The following WDR37 variants were observed in gnomAD, a reference collection of about 807,000 sequenced individuals.
WDR37 encodes the protein WD repeat domain 37.
A neutral mutation model predicts 62.9 loss-of-function variants in WDR37; 19 were observed. The ratio of observed to expected loss-of-function variants is 0.30; its 90% CI spans 0.21 to 0.44. WDR37 has a LOEUF of 0.44. Ranked by LOEUF, WDR37 falls within the 20% of genes least tolerant of loss-of-function variation. The pLI, the probability that WDR37 is intolerant of heterozygous loss-of-function variation, is 1.00. For missense variants in WDR37, 474 were observed against 657.6 expected (o/e 0.72, Z 3.05); for synonymous variants, 250 against 260.9 (o/e 0.96, Z 0.40).
intron 13 of WDR37, among the ~76,000 whole-genome samples, chr10:1,126,672 C>T (rs1241464195): frequency 3.9e-5 from 6 of 152,234 alleles, no homozygotes; most frequent in Non-Finnish European, 8.8e-5. Flanking sequence ...TGGGCCGCAG[C>T]TGCTCTGCAC....
intron 11 of WDR37, among the ~76,000 whole-genome samples, chr10:1,107,228 C>T (rs991691375): frequency 3.3e-5 from 5 of 152,234 alleles, no homozygotes; most frequent in Non-Finnish European, 7.3e-5. Context: ...TGCTCCCCGA[C>T]GTCCACCAGA....
chr10:1,104,826 T>A (rs904854263), intron 10 of WDR37, among the ~76,000 whole-genome samples: 1 of 152,208 alleles, frequency 6.6e-6, no homozygotes, highest in African/African-American at 2.4e-5. Context: ...AAGCAAAGAA[T>A]CAAGATTTAA....
At chr10:1,101,987 C>A (rs1414231299) in intron 9 of WDR37, among the ~76,000 whole-genome samples, 1 of 152,180 alleles carries the variant, frequency 6.6e-6, no homozygotes, top group East Asian at 1.9e-4. Flanking sequence ...TGTTCCCGTG[C>A]TGCCCTGGGT....
chr10:1,074,786 A>G lies in WDR37; in HGVS notation c.138+2493A>G, dbSNP rs529574203. 5.3e-5 allele frequency among the ~76,000 whole-genome samples: 8 copies of G among 152,310 alleles called. No homozygotes were observed. The South Asian group carries it at 1.2e-3, about 24-fold the overall frequency. Reference sequence around the variant, plus strand: ...GAGAGGGCAGATGAGTCTGAGGGAGACATCGTGTTAGGTTTAACTTTATAC... The same window carrying G: ...GAGAGGGCAGATGAGTCTGAGGGAGGCATCGTGTTAGGTTTAACTTTATAC... On this transcript the variant is annotated intron_variant, in intron 2 of 13. Transcript: ENST00000263150.
chr10:1,103,944 G>A lies in WDR37; in HGVS notation c.961+108G>A. On this transcript the variant is annotated intron_variant, in intron 10 of 13. Coordinates refer to ENST00000263150, the MANE Select transcript of WDR37 (RefSeq NM_014023.4). The surrounding 1 kb of genome is among the most constrained non-coding windows in gnomAD (Gnocchi z 6.3). Reference sequence around the variant, plus strand: ...CTTCTTGACCAGAATGAGTCTCTGTGTTCTTGGCTCTTCTGTGGTAATTTT... The same window carrying A: ...CTTCTTGACCAGAATGAGTCTCTGTATTCTTGGCTCTTCTGTGGTAATTTT... 9.2e-7 allele frequency: 1 copy of A among 1,092,458 alleles called. No homozygotes were observed. The highest frequency in any genetic ancestry group is 1.3e-6 in the Non-Finnish European group (1 of 763,430). The allele number at this position is 1,092,458 out of a possible 1,614,324, so 67.7% of individuals were successfully genotyped here. A position where few individuals can be genotyped will look rare whatever the true frequency, so the allele number is the denominator to read the frequency against.
intron 11 of WDR37, among the ~76,000 whole-genome samples, chr10:1,108,745 C>A (rs1012933202): frequency 5.0e-5 from 7 of 138,906 alleles, no homozygotes; most frequent in South Asian, 2.4e-4. Flanking sequence ...TGATGCCCCC[C>A]CCCCCCGTGG....
rs1460080041 is a variant in WDR37 at position 1,129,258 on chromosome 10, C to T, written c.1399C>T (p.Pro467Ser). The T allele has an allele frequency of 6.2e-7, 1 of 1,614,108 alleles. No individual in the cohort carries two copies. The highest frequency in any genetic ancestry group is 1.7e-5 in the Admixed American group (1 of 60,012). ...CTGCTCGGCATGGAGTGAAGACCAC[C>T]CCGTGTGCAATCTGTTCACCTGTGG... is the stretch of plus-strand genomic sequence containing the variant. ...VCCSAWSEDH[P>S]VCNLFTCGFD... The change falls in exon 14 of 14, where the codon CCC becomes TCC. Residue 467 changes from proline (P) to serine (S), a missense_variant. Transcript: ENST00000263150.
intron 13 of WDR37, among the ~76,000 whole-genome samples, chr10:1,126,271 T>G (rs1287960321): frequency 1.3e-5 from 2 of 151,768 alleles, no homozygotes; most frequent in South Asian, 2.1e-4. Context: ...CCAGGCGTGG[T>G]GGCGGGCGTC....
In WDR37 at chr10:1,116,328, C is replaced by T. The variant is rs74390487; in HGVS notation, c.1104-7890C>T. Among the ~76,000 whole-genome samples the T allele has an allele frequency of 3.6e-3, 545 of 151,792 alleles. 5 individuals carry two copies. The highest frequency in any genetic ancestry group is 4.0e-3 in the Non-Finnish European group (273 of 67,920). On this transcript the variant is annotated intron_variant, in intron 11 of 13. Coordinates refer to ENST00000263150, the MANE Select transcript of WDR37 (RefSeq NM_014023.4). ...AGTCCTCCCGTCACCCACCCCTCCC[C>T]GGGTCTCTGTTCTGTCTCTCAGTCC...
intron 2 of WDR37, among the ~76,000 whole-genome samples, chr10:1,073,938 G>A (rs536004558): frequency 6.6e-5 from 10 of 152,266 alleles, no homozygotes; most frequent in African/African-American, 2.2e-4. Flanking sequence ...TGTGGACCCC[G>A]TTCAACACAG....
At chr10:1,096,386 A>T in intron 9 of WDR37, 140 bp downstream of exon 9, 1 of 878,902 alleles carries the variant, frequency 1.1e-6, no homozygotes, top group Non-Finnish European at 1.8e-6. Flanking sequence ...GGTATGGTTG[A>T]ATTTGGAGAT....
intron 13 of WDR37, among the ~76,000 whole-genome samples, chr10:1,128,620 C>A (rs1307414243): frequency 6.6e-6 from 1 of 152,220 alleles, no homozygotes; most frequent in Non-Finnish European, 1.5e-5. Context: ...CTAAATATCT[C>A]CTAGCTTCAT....
intron 13 of WDR37, among the ~76,000 whole-genome samples, chr10:1,127,279 C>T (rs1835819385): frequency 6.6e-6 from 1 of 152,218 alleles, no homozygotes; most frequent in South Asian, 2.1e-4. Context: ...TATCTGTGAA[C>T]ATTCAACTTT....
chr10:1,092,999 A>G (rs1834451971), intron 7 of WDR37, among the ~76,000 whole-genome samples: 1 of 151,336 alleles, frequency 6.6e-6, no homozygotes, highest in African/African-American at 2.4e-5. Context: ...CAGAGGTTAT[A>G]CTCTCTGGGG....
chr10:1,067,836 T>A lies in WDR37; in HGVS notation c.-40-4280T>A, dbSNP rs576320813. 8.5e-5 allele frequency among the ~76,000 whole-genome samples: 13 copies of A among 152,178 alleles called. No individual in the cohort carries two copies. The East Asian group carries it at 2.5e-3, about 29-fold the overall frequency. On this transcript the variant is annotated intron_variant, in intron 1 of 13. Coordinates refer to ENST00000263150, the MANE Select transcript of WDR37 (RefSeq NM_014023.4). ...ACCTAAGTGCCTGTTGACGGATGAC[T>A]AGATAAATAAAATGTGGTGCGCACA... is the stretch of plus-strand genomic sequence containing the variant.
At chr10:1,097,152 G>A (rs893334581) in intron 9 of WDR37, among the ~76,000 whole-genome samples, 6 of 152,318 alleles carry the variant, frequency 3.9e-5, no homozygotes, top group Non-Finnish European at 8.8e-5. Flanking sequence ...GAGTTGTTAA[G>A]GGAAAGGGGA....
chr10:1,081,244 C>T (rs1220411852), intron 5 of WDR37, among the ~76,000 whole-genome samples: 1 of 152,078 alleles, frequency 6.6e-6, no homozygotes, highest in African/African-American at 2.4e-5. Context: ...TCGTGCTGAC[C>T]TTCTTAAAGT....
chr10:1,074,533 T>C lies in WDR37; in HGVS notation c.138+2240T>C, dbSNP rs1018568753. On this transcript the variant is annotated intron_variant, in intron 2 of 13. Coordinates refer to ENST00000263150, the MANE Select transcript of WDR37 (RefSeq NM_014023.4). ...TGTAAGTGGCCCCCGTGAGGTGCTC[T>C]GCCTTCCCCCTGCCCTGGGCGGGAG... The C allele has an allele frequency of 2.3e-6, 3 of 1,303,984 alleles. No individual in the cohort carries two copies. The Admixed American group carries it at 6.9e-5, about 30-fold the overall frequency. 80.8% of individuals were successfully genotyped at this position (1,303,984 alleles called of 1,614,324 possible). A position where few individuals can be genotyped will look rare whatever the true frequency, so the allele number is the denominator to read the frequency against.
At chr10:1,111,113 GA>G (rs1400846283) in intron 11 of WDR37, among the ~76,000 whole-genome samples, 1 of 152,214 alleles carries the variant, frequency 6.6e-6, no homozygotes, top group Non-Finnish European at 1.5e-5. Flanking sequence ...CAACATGTGT[GA>G]CTAAAAATAC....
Sources: gnomAD v4.1 joint callset for allele counts (sites outside exome capture counted in the v4.1 genomes callset) on GRCh38, gnomAD v4.1.1 for gene constraint, Gnocchi (gnomAD v3.1) non-coding constraint, MANE v1.5 for transcripts, NCBI Gene and HGNC (gene_info 2026-07-23, HGNC 2026-07-21) for gene names.